Variants in SMC5 observed in about 807,000 individuals in gnomAD.
SMC5 encodes structural maintenance of chromosomes 5, also known as structural maintenance of chromosomes protein 5.
SMC5 carries 88 observed loss-of-function variants against 148.3 expected under a neutral mutation model. That is an observed-to-expected ratio of 0.59 (90% CI 0.50 to 0.71). The LOEUF is 0.71. Ranked by LOEUF, SMC5 falls within the 30% of genes least tolerant of loss-of-function variation. The pLI, the probability that SMC5 is intolerant of heterozygous loss-of-function variation, is 0.00. For missense variants in SMC5, 1,142 were observed against 1,298.9 expected (o/e 0.88, Z 1.86); for synonymous variants, 421 against 432.8 (o/e 0.97, Z 0.34).
rs777214257 is a variant in SMC5 at position 70,267,982 on chromosome 9, G to C, written c.380+7G>C. The C allele has an allele frequency of 9.3e-6, 15 of 1,607,276 alleles. No individual in the cohort carries two copies. The highest frequency in any genetic ancestry group is 1.2e-5 in the Non-Finnish European group (14 of 1,177,570). ...GCATGGTTGAAATTGAATTGTAAGT[G>C]TTAAAAGTGCTAAAACTCCTTTTTC... On this transcript the variant is annotated splice_region_variant and intron_variant, in intron 3 of 24. Transcript: ENST00000361138.
At chr9:70,322,306 T>G (rs574450460) in intron 15 of SMC5, among the ~76,000 whole-genome samples, 1 of 152,342 alleles carries the variant, frequency 6.6e-6, no homozygotes, top group South Asian at 2.1e-4. Flanking sequence ...AATTGCTGTA[T>G]TGAACCCATT....
chr9:70,350,572 C>T, intron 24 of SMC5, 101 bp downstream of exon 24: 1 of 673,070 alleles, frequency 1.5e-6, no homozygotes, highest in Non-Finnish European at 2.4e-6. Flanking sequence ...CAGGAACACT[C>T]CCAAAAAAGG....
At chr9:70,308,587 T>A (rs1425191731) in intron 11 of SMC5, among the ~76,000 whole-genome samples, 4 of 76,922 alleles carry the variant, frequency 5.2e-5, no homozygotes, top group African/African-American at 2.3e-4. Context: ...AGAGACTCTG[T>A]CTCAAAAAAA....
intron 15 of SMC5, 46 bp downstream of exon 15, chr9:70,319,009 G>A (rs1054616331): frequency 1.3e-6 from 2 of 1,494,228 alleles, no homozygotes; most frequent in Non-Finnish European, 9.0e-7. Flanking sequence ...TTACTGTATG[G>A]GAGAATATTA....
intron 17 of SMC5, among the ~76,000 whole-genome samples, chr9:70,326,114 GA>G (rs2036069552): frequency 6.6e-6 from 1 of 152,110 alleles, no homozygotes; most frequent in Admixed American, 6.6e-5. Flanking sequence ...AATGCAAATG[GA>G]TATAATTCAC....
intron 2 of SMC5, among the ~76,000 whole-genome samples, chr9:70,266,387 G>T (rs2034293682): frequency 6.6e-6 from 1 of 152,062 alleles, no homozygotes; most frequent in Non-Finnish European, 1.5e-5. Context: ...GAGAGAGTTG[G>T]AACAGATAGC....
intron 17 of SMC5, among the ~76,000 whole-genome samples, chr9:70,327,956 A>G (rs549445310): frequency 1.3e-5 from 2 of 152,258 alleles, no homozygotes; most frequent in Admixed American, 1.3e-4. Context: ...GGAAGCAAGC[A>G]TGTCTTACCA....
rs1196990854 is a variant in SMC5 at position 70,353,107 on chromosome 9, TATTTA to T, written c.*778_*782del. ...GGGCAGGGGTTGCTTTTTTTTATTT[TATTTA>T]AAGTCAATTATATTTTACATCTTAC... On this transcript the variant is annotated 3_prime_UTR_variant, in exon 25 of 25. Transcript: ENST00000361138. 6.6e-6 allele frequency: 1 copy of T among 152,042 alleles called. No individual in the cohort carries two copies. The highest frequency in any genetic ancestry group is 6.6e-5 in the Admixed American group (1 of 15,258). The allele number at this position is 152,042 out of a possible 1,614,324, so 9.4% of individuals were successfully genotyped here. A position where few individuals can be genotyped will look rare whatever the true frequency, so the allele number is the denominator to read the frequency against.
chr9:70,314,123 T>A (rs1026384705), intron 11 of SMC5, among the ~76,000 whole-genome samples: 5 of 151,726 alleles, frequency 3.3e-5, no homozygotes, highest in South Asian at 2.1e-4. Context: ...AGCTCCCTTC[T>A]TCCAAGAATT....
chr9:70,272,664 A>G (rs181945501), intron 3 of SMC5, among the ~76,000 whole-genome samples: 10 of 152,342 alleles, frequency 6.6e-5, no homozygotes, highest in African/African-American at 2.4e-5. Context: ...TTGGGAAATC[A>G]TTAGTATTAT....
chr9:70,331,412 A>G (rs987681406), intron 17 of SMC5, among the ~76,000 whole-genome samples: 1 of 149,376 alleles, frequency 6.7e-6, no homozygotes, highest in Non-Finnish European at 1.5e-5. Context: ...TAAAAGGTAG[A>G]AAAAAACAGG....
intron 8 of SMC5, among the ~76,000 whole-genome samples, chr9:70,292,117 T>C (rs1479923986): frequency 6.6e-6 from 1 of 152,186 alleles, no homozygotes; most frequent in Non-Finnish European, 1.5e-5. Context: ...ATTTTGACAA[T>C]TTTTGTCAGT....
intron 1 of SMC5, among the ~76,000 whole-genome samples, chr9:70,261,668 A>C (rs2034140480): frequency 6.6e-6 from 1 of 152,190 alleles, no homozygotes; most frequent in Non-Finnish European, 1.5e-5. Flanking sequence ...TGATTGATGA[A>C]GTTGCAGAAC....
At chr9:70,297,923 G>C (rs780309984) in intron 8 of SMC5, 43 bp from the exon 9 acceptor site, 3 of 1,575,002 alleles carry the variant, frequency 1.9e-6, no homozygotes, top group Non-Finnish European at 2.6e-6. Context: ...TATAAACCAA[G>C]AGGAAAACAG....
chr9:70,334,102 T>C (rs1244714301), intron 17 of SMC5, among the ~76,000 whole-genome samples: 2 of 150,986 alleles, frequency 1.3e-5, no homozygotes, highest in Non-Finnish European at 2.9e-5. Context: ...ACTCAAGACA[T>C]CCACATATTT....
chr9:70,334,082 CAGAAT>C (rs1417869083), intron 17 of SMC5, among the ~76,000 whole-genome samples: 1 of 150,012 alleles, frequency 6.7e-6, no homozygotes, highest in East Asian at 1.9e-4. Flanking sequence ...ATCAATGGAA[CAGAAT>C]AGAGACTCAA....
intron 2 of SMC5, 69 bp from the exon 3 acceptor site, chr9:70,267,854 C>T (rs1003384539): frequency 2.1e-5 from 29 of 1,355,440 alleles, no homozygotes; most frequent in Non-Finnish European, 2.2e-5. Context: ...ATAATAATGA[C>T]TGCTAAATCT....
chr9:70,338,659 A>G (rs1157720167), intron 17 of SMC5, among the ~76,000 whole-genome samples: 1 of 152,206 alleles, frequency 6.6e-6, no homozygotes, highest in African/African-American at 2.4e-5. Flanking sequence ...TTGGTTGGCT[A>G]TTCCAGTGTT....
At chr9:70,293,554 CCT>C (rs1564035984) in intron 8 of SMC5, among the ~76,000 whole-genome samples, 1 of 151,926 alleles carries the variant, frequency 6.6e-6, no homozygotes, top group African/African-American at 2.4e-5. Context: ...TGATGCTTTT[CCT>C]CTTATGTATA....
Sources: allele counts gnomAD v4.1 joint callset (sites outside exome capture counted in the v4.1 genomes callset), GRCh38; gene constraint gnomAD v4.1.1; transcripts MANE v1.5; gene names NCBI Gene and HGNC (gene_info 2026-07-23, HGNC 2026-07-21).